Variants in ZXDC observed in about 807,000 individuals in gnomAD.
ZXDC encodes ZXD family zinc finger C.
In ZXDC, 58 loss-of-function variants were observed where a neutral mutation model predicts 63.6. The ratio of observed to expected loss-of-function variants is 0.91; its 90% confidence interval spans 0.74 to 1.13. The LOEUF (loss-of-function observed/expected upper bound fraction) is 1.13, where lower values mean the gene tolerates loss of function less well. Ranked by LOEUF, ZXDC falls within the 50% of genes most tolerant of loss-of-function variation. ZXDC has a pLI of 0.00. For missense variants in ZXDC, 1,133 were observed against 1,148.9 expected, an observed-to-expected ratio of 0.99 and a Z score of 0.20; for synonymous variants, 561 against 496.1, an observed-to-expected ratio of 1.13 and a Z score of -1.74.
intron 6 of ZXDC, 82 bp downstream of exon 6, chr3:126,461,453 A>G (rs1296578041): frequency 3.3e-6 from 5 of 1,497,644 alleles, no homozygotes; most frequent in African/African-American, 1.4e-5. Context: ...GTCTGCATAG[A>G]AAGGATTAAT....
rs143636394 is a variant in ZXDC at position 126,461,379 on chromosome 3, G to C, written c.2127+156C>G. 57 of 1,417,924 alleles carry C rather than the reference G, an allele frequency of 4.0e-5. No homozygotes were observed. In the East Asian group the frequency reaches 9.1e-4, roughly 23 times the overall value. 87.8% of individuals were successfully genotyped at this position (1,417,924 alleles called of 1,614,324 possible). ...AGATGGGTTAAGGTGATTTGTCAAG[G>C]TCATAAGAACTTGTCAGTTCCAGAC... On this transcript the variant is annotated intron_variant, in intron 6 of 9. Coordinates refer to ENST00000389709, the MANE Select transcript of ZXDC (RefSeq NM_025112.5).
chr3:126,459,412 G>T, intron 7 of ZXDC: 1 of 985,428 alleles, frequency 1.0e-6, no homozygotes. Context: ...ACTGGTGTTT[G>T]AACGCTTAAC....
At chr3:126,472,593 G>A (rs1040471253) in intron 1 of ZXDC, among the ~76,000 whole-genome samples, 8 of 152,156 alleles carry the variant, frequency 5.3e-5, no homozygotes, top group African/African-American at 1.2e-4. Flanking sequence ...TCTACTGGCC[G>A]GCTCCGGAGC....
At chr3:126,472,804 T>A (rs145709034) in intron 1 of ZXDC, among the ~76,000 whole-genome samples, 1 of 152,326 alleles carries the variant, frequency 6.6e-6, no homozygotes, top group East Asian at 1.9e-4. Context: ...GCCAGCCCTG[T>A]CCCTTGCTGT....
intron 7 of ZXDC, chr3:126,451,352 T>C: frequency 1.0e-6 from 1 of 985,412 alleles, no homozygotes; most frequent in Non-Finnish European, 1.2e-6. Flanking sequence ...GCACAGAGTG[T>C]ACAGTTCTTC....
At position 126,461,617 on chromosome 3, in the gene ZXDC, G is replaced by T; in HGVS notation, c.2045C>A (p.Pro682His). Residue 682 changes from proline (P) to histidine (H), a missense_variant, in exon 6 of 10, where the codon CCC becomes CAC. Transcript: ENST00000389709. ...TGCTGGACTGGGCAACGTGGACTGG[G>T]GCAGCCCATGGCTTCCTTCCTGCTG... ...VGQQEGSHGL[P>H]QSTLPSPAEQ... 2 of 1,614,072 alleles carry T rather than the reference G, an allele frequency of 1.2e-6. No individual in the cohort carries two copies. The highest frequency in any genetic ancestry group is 2.2e-5 in the South Asian group (2 of 91,064).
chr3:126,439,901 C>G, intron 8 of ZXDC, 174 bp from the exon 9 acceptor site: 1 of 1,417,822 alleles, frequency 7.1e-7, no homozygotes, highest in East Asian at 2.7e-5. Context: ...CTGGGTACTA[C>G]CTGTTCCCAC....
At chr3:126,465,222 G>A (rs1236113926) in intron 5 of ZXDC, among the ~76,000 whole-genome samples, 1 of 152,246 alleles carries the variant, frequency 6.6e-6, no homozygotes, top group Non-Finnish European at 1.5e-5. Flanking sequence ...GGTGAGGAGC[G>A]ACAACCGCAC....
intron 8 of ZXDC, chr3:126,441,505 GCA>G (rs1377662860): frequency 7.9e-7 from 1 of 1,264,328 alleles, no homozygotes; most frequent in Non-Finnish European, 9.9e-7. Flanking sequence ...GCAGGGCTGT[GCA>G]CAGACAGGTT....
intron 4 of ZXDC, among the ~76,000 whole-genome samples, chr3:126,469,337 C>T (rs1313596782): frequency 1.3e-5 from 2 of 152,190 alleles, no homozygotes; most frequent in Non-Finnish European, 2.9e-5. Flanking sequence ...GGCACATCCC[C>T]TGCCCTCTGC....
chr3:126,468,211 G>C (rs537344816), intron 4 of ZXDC, among the ~76,000 whole-genome samples: 4 of 152,120 alleles, frequency 2.6e-5, no homozygotes, highest in African/African-American at 7.2e-5. Flanking sequence ...GGCAACACGA[G>C]ACACAGGCCC....
intron 7 of ZXDC, chr3:126,459,153 T>C: frequency 1.0e-6 from 1 of 985,480 alleles, no homozygotes; most frequent in African/African-American, 1.7e-5. Context: ...GGTTACCAGC[T>C]CTTGTTTGGT....
At chr3:126,454,796 ATTCAT>A (rs1198746618) in intron 7 of ZXDC, 1 of 985,326 alleles carries the variant, frequency 1.0e-6, no homozygotes, top group Non-Finnish European at 1.2e-6. Flanking sequence ...TAACTTTGCT[ATTCAT>A]TTCAAGAATA....
chr3:126,471,369 G>A (rs576283866), intron 3 of ZXDC, among the ~76,000 whole-genome samples: 2 of 152,296 alleles, frequency 1.3e-5, no homozygotes, highest in South Asian at 2.1e-4. Context: ...CTTTCCGAGC[G>A]ACAGACGGTC....
intron 7 of ZXDC, chr3:126,454,699 C>T (rs962031675): frequency 6.1e-6 from 6 of 985,308 alleles, no homozygotes; most frequent in Admixed American, 6.1e-5. Flanking sequence ...TGATAAGCAC[C>T]ACACTTTCTT....
At position 126,472,210 on chromosome 3, in the gene ZXDC, A is replaced by C; in HGVS notation, c.1003T>G (p.Cys335Gly). ...QELFSCSFPG[C>G]SKQYDKACRL... ...CAGGCTTTATCATACTGCTTGCTGCACCCAGGAAAGGAGCAGGAAAAGAGC... is the reference window on the plus strand; with the variant it reads ...CAGGCTTTATCATACTGCTTGCTGCCCCCAGGAAAGGAGCAGGAAAAGAGC... Residue 335 changes from cysteine (C) to glycine (G), a missense_variant, in exon 2 of 10, where the codon TGC (cysteine) becomes GGC (glycine). Transcript: ENST00000389709. 6.2e-7 allele frequency: 1 copy of C among 1,613,546 alleles called. No individual in the cohort carries two copies. The highest frequency in any genetic ancestry group is 8.5e-7 in the Non-Finnish European group (1 of 1,179,458).
At chr3:126,443,601 A>G (rs1227270929) in intron 7 of ZXDC, among the ~76,000 whole-genome samples, 1 of 152,208 alleles carries the variant, frequency 6.6e-6, no homozygotes, top group Non-Finnish European at 1.5e-5. Flanking sequence ...ACAAACCTTC[A>G]ATTTGTAAAA....
At chr3:126,450,386 A>G in intron 7 of ZXDC, 2 of 456,664 alleles carry the variant, frequency 4.4e-6, no homozygotes, top group Non-Finnish European at 8.8e-6. Flanking sequence ...TTAGAGATCC[A>G]CGCACCCTCC....
intron 7 of ZXDC, chr3:126,451,039 C>A: frequency 4.3e-6 from 3 of 694,166 alleles, no homozygotes; most frequent in Non-Finnish European, 5.3e-6. Flanking sequence ...AGGAAAGGGA[C>A]TCAAGGCCAC....
Sources: allele counts gnomAD v4.1 joint callset (sites outside exome capture counted in the v4.1 genomes callset), GRCh38; gene constraint gnomAD v4.1.1; transcripts MANE v1.5; gene names NCBI Gene and HGNC (gene_info 2026-07-23, HGNC 2026-07-21).